PPP2CA: variants seen among roughly 807,000 people sequenced by gnomAD.
PPP2CA encodes protein phosphatase 2 catalytic subunit alpha.
PPP2CA carries 5 observed loss-of-function variants against 38.8 expected under a neutral mutation model. That is an observed-to-expected ratio of 0.13 (90% CI 0.07 to 0.27). The LOEUF is 0.27. Ranked by LOEUF, PPP2CA falls within the 10% of genes least tolerant of loss-of-function variation. The probability of loss-of-function intolerance (pLI) is 1.00; values close to 1 mark genes in which losing one functional copy is unlikely to be tolerated. For synonymous variants in PPP2CA, 152 were observed against 134.0 expected, an observed-to-expected ratio of 1.13 and a Z score of -0.93; for missense variants, 88 against 389.7, an observed-to-expected ratio of 0.23 and a Z score of 6.52.
intron 1 of PPP2CA, among the ~76,000 whole-genome samples, chr5:134,209,655 G>A (rs762414079): frequency 2.6e-5 from 4 of 151,914 alleles, no homozygotes; most frequent in African/African-American, 4.8e-5. Context: ...GTGTAGGCCC[G>A]TAATCTCAGC....
At chr5:134,212,862 C>T (rs1431475215) in intron 1 of PPP2CA, among the ~76,000 whole-genome samples, 1 of 152,152 alleles carries the variant, frequency 6.6e-6, no homozygotes, top group Non-Finnish European at 1.5e-5. Context: ...AAAGCCAAAG[C>T]CTAATTCAGA....
Position 134,196,672 on chromosome 5 carries a change from A to G in PPP2CA, c.*1100T>C, listed in dbSNP as rs1761858608. 2 of 152,254 alleles carry G rather than the reference A, an allele frequency of 1.3e-5. No individual in the cohort carries two copies. Among genetic ancestry groups the G allele is most frequent in the Admixed American group, 6.5e-5 (1 of 15,276 alleles). 9.4% of individuals were successfully genotyped at this position (152,254 alleles called of 1,614,324 possible). On this transcript the variant is annotated 3_prime_UTR_variant, in exon 7 of 7. Coordinates refer to ENST00000481195, the MANE Select transcript of PPP2CA (RefSeq NM_002715.4). Reference sequence around the variant, plus strand: ...TAAAGAGTCCATATAATATACACATAGCAATATAATATTCATAACCAGAAA... The same window carrying G: ...TAAAGAGTCCATATAATATACACATGGCAATATAATATTCATAACCAGAAA...
chr5:134,198,403 C>CA (rs1271406908), intron 6 of PPP2CA, among the ~76,000 whole-genome samples: 1 of 150,718 alleles, frequency 6.6e-6, no homozygotes, highest in Non-Finnish European at 1.5e-5. Flanking sequence ...AAAAAACAAA[C>CA]AAACAACAAA....
At chr5:134,217,811 T>G (rs1762353658) in intron 1 of PPP2CA, among the ~76,000 whole-genome samples, 1 of 152,232 alleles carries the variant, frequency 6.6e-6, no homozygotes, top group African/African-American at 2.4e-5. Flanking sequence ...TTAGTTGTTG[T>G]GTGAACATCA....
rs961762168 is a variant in PPP2CA at position 134,214,148 on chromosome 5, T to TA, written c.103-8018dup. On this transcript the variant is annotated intron_variant, in intron 1 of 6. Coordinates refer to ENST00000481195, the MANE Select transcript of PPP2CA (RefSeq NM_002715.4). ...TCTCTCAAAACTAACAAAAAAAGGC[T>TA]AAAAAAAAAATTAAAAGGTTAAGAT... Among the ~76,000 whole-genome samples the TA allele has an allele frequency of 3.2e-3, 481 of 149,650 alleles. 5 individuals carry two copies. Among genetic ancestry groups the TA allele is most frequent in the African/African-American group, 3.7e-3 (152 of 40,864 alleles).
At chr5:134,198,982 G>C in intron 6 of PPP2CA, 104 bp downstream of exon 6, 2 of 898,222 alleles carry the variant, frequency 2.2e-6, no homozygotes, top group Non-Finnish European at 3.5e-6. Flanking sequence ...CTAGGAGTTC[G>C]AGACAAGACT....
intron 1 of PPP2CA, among the ~76,000 whole-genome samples, chr5:134,215,889 T>C (rs1406580426): frequency 2.6e-5 from 4 of 152,232 alleles, no homozygotes; most frequent in Non-Finnish European, 5.9e-5. Context: ...ACCCTTATTC[T>C]TCAAATCTTA....
At chr5:134,198,010 A>G (rs996680745) in intron 6 of PPP2CA, among the ~76,000 whole-genome samples, 166 bp from the exon 7 acceptor site, 7 of 152,218 alleles carry the variant, frequency 4.6e-5, no homozygotes, top group Non-Finnish European at 7.3e-5. Flanking sequence ...ACTCCCCTTG[A>G]AAGAGTCAAG....
In PPP2CA at chr5:134,195,825, A is replaced by C. The variant is rs947525407; in HGVS notation, c.*1947T>G. ...ATGCTAAAACCAAGCTATTCTTATCACAAGTCCCATTCTGCTAACCACAAA... is the reference window on the plus strand; with the variant it reads ...ATGCTAAAACCAAGCTATTCTTATCCCAAGTCCCATTCTGCTAACCACAAA... On this transcript the variant is annotated 3_prime_UTR_variant, in exon 7 of 7. Coordinates refer to ENST00000481195, the MANE Select transcript of PPP2CA (RefSeq NM_002715.4). 6 of 152,202 alleles carry C rather than the reference A, an allele frequency of 3.9e-5. No homozygotes were observed. Among genetic ancestry groups the C allele is most frequent in the African/African-American group, 1.4e-4 (6 of 41,446 alleles). The allele number at this position is 152,202 out of a possible 1,614,324, so 9.4% of individuals were successfully genotyped here.
intron 1 of PPP2CA, among the ~76,000 whole-genome samples, chr5:134,213,119 A>T (rs1762241176): frequency 6.6e-6 from 1 of 152,332 alleles, no homozygotes; most frequent in Non-Finnish European, 1.5e-5. Flanking sequence ...ATAGCCTTCT[A>T]GTGGAAGAAG....
At chr5:134,221,103 T>G (rs912720511) in intron 1 of PPP2CA, among the ~76,000 whole-genome samples, 2 of 152,064 alleles carry the variant, frequency 1.3e-5, no homozygotes, top group African/African-American at 4.8e-5. Flanking sequence ...GCCAAGAGGA[T>G]GAAAAGAGGC....
At chr5:134,211,276 C>T (rs1008212991) in intron 1 of PPP2CA, among the ~76,000 whole-genome samples, 1 of 151,950 alleles carries the variant, frequency 6.6e-6, no homozygotes, top group African/African-American at 2.4e-5. Context: ...AATGTCCTCT[C>T]AGCATTCTGG....
intron 1 of PPP2CA, among the ~76,000 whole-genome samples, chr5:134,213,743 AC>A (rs1375276234): frequency 6.6e-6 from 1 of 152,174 alleles, no homozygotes; most frequent in Non-Finnish European, 1.5e-5. Context: ...TGATGATGTC[AC>A]TGTACTTCAG....
intron 1 of PPP2CA, among the ~76,000 whole-genome samples, chr5:134,219,497 C>A (rs1482674440): frequency 1.3e-5 from 2 of 152,206 alleles, no homozygotes; most frequent in African/African-American, 4.8e-5. Context: ...GCCTCAACAC[C>A]AGCAGGGTAA....
chr5:134,204,256 GA>G (rs1206207935), intron 2 of PPP2CA, among the ~76,000 whole-genome samples: 2 of 151,980 alleles, frequency 1.3e-5, no homozygotes, highest in East Asian at 1.9e-4. Flanking sequence ...GCCTAGGGGG[GA>G]AAAAATCTCC....
At position 134,197,691 on chromosome 5, in the gene PPP2CA, CTT is replaced by C; in HGVS notation, c.*79_*80del. On this transcript the variant is annotated 3_prime_UTR_variant, in exon 7 of 7. Transcript: ENST00000481195. ...TTTGAATGTTAACTATTTTCTGACA[CTT>C]TGGAGTTACTGTTGCTCTTCCCATT... is the stretch of plus-strand genomic sequence containing the variant. 8.8e-7 allele frequency: 1 copy of C among 1,135,454 alleles called. No homozygotes were observed. The highest frequency in any genetic ancestry group is 1.3e-5 in the South Asian group (1 of 77,418). 70.3% of individuals were successfully genotyped at this position (1,135,454 alleles called of 1,614,324 possible).
Position 134,197,581 on chromosome 5 carries a change from C to T in PPP2CA, c.*191G>A. The T allele has an allele frequency of 1.8e-6, 1 of 556,172 alleles. No individual in the cohort carries two copies. 34.5% of individuals were successfully genotyped at this position (556,172 alleles called of 1,614,324 possible). A position where few individuals can be genotyped will look rare whatever the true frequency, so the allele number is the denominator to read the frequency against. On this transcript the variant is annotated 3_prime_UTR_variant, in exon 7 of 7. Coordinates refer to ENST00000481195, the MANE Select transcript of PPP2CA (RefSeq NM_002715.4). ...CGCTTCAGCATGCAATGAACTGGTT[C>T]ATTCTAAAGTGGTCACGGCTGTTGA... is the stretch of plus-strand genomic sequence containing the variant.
At chr5:134,203,294 G>C (rs1762006865) in intron 2 of PPP2CA, among the ~76,000 whole-genome samples, 1 of 152,074 alleles carries the variant, frequency 6.6e-6, no homozygotes, top group Non-Finnish European at 1.5e-5. Context: ...CTTACATTTA[G>C]TTCTATGATA....
intron 1 of PPP2CA, among the ~76,000 whole-genome samples, chr5:134,218,433 T>C (rs553603090): frequency 2.6e-4 from 39 of 152,330 alleles, no homozygotes; most frequent in African/African-American, 5.5e-4. Flanking sequence ...ATATGCACAA[T>C]AGACTAAACT....
Sources: gnomAD v4.1 joint callset for allele counts (sites outside exome capture counted in the v4.1 genomes callset) on GRCh38, gnomAD v4.1.1 for gene constraint, MANE v1.5 for transcripts, NCBI Gene and HGNC (gene_info 2026-07-23, HGNC 2026-07-21) for gene names.